GRIK2: variants seen among roughly 807,000 people sequenced by gnomAD.
The protein encoded by GRIK2 is glutamate ionotropic receptor kainate type subunit 2.
GRIK2 carries 32 observed loss-of-function variants against 100.3 expected under a neutral mutation model. That is an observed-to-expected ratio of 0.32 (90% CI 0.24 to 0.43). The LOEUF (loss-of-function observed/expected upper bound fraction) is 0.43, where lower values mean the gene tolerates loss of function less well. GRIK2 is among the 20% of genes least tolerant of loss of function. The pLI is 1.00. For synonymous variants in GRIK2, 417 were observed against 389.4 expected, an observed-to-expected ratio of 1.07 and a Z score of -0.83; for missense variants, 843 against 1,114.9, an observed-to-expected ratio of 0.76 and a Z score of 3.47.
chr6:101,470,268 G>C (rs2128255669), intron 2 of GRIK2, among the ~76,000 whole-genome samples: 1 of 152,272 alleles, frequency 6.6e-6, no homozygotes. Flanking sequence ...CCTTAATGGT[G>C]GATAGCTTTT....
chr6:101,592,615 A>ATATATATATATATATG (rs887154272), intron 2 of GRIK2, among the ~76,000 whole-genome samples: 56 of 127,794 alleles, frequency 4.4e-4, no homozygotes, highest in African/African-American at 1.8e-3. Context: ...ATATATATAT[A>ATATATATATATATATG]TATATATATT....
intron 12 of GRIK2, among the ~76,000 whole-genome samples, chr6:101,917,444 A>T (rs923145578): frequency 1.8e-4 from 27 of 151,724 alleles, no homozygotes; most frequent in African/African-American, 3.4e-4. Flanking sequence ...GGATGATTTT[A>T]AAAAAATCCA....
chr6:101,626,619 G>A lies in GRIK2; in HGVS notation c.523G>A (p.Val175Met). 3 of 1,613,826 alleles carry A rather than the reference G, an allele frequency of 1.9e-6. No homozygotes were observed. The highest frequency in any genetic ancestry group is 1.7e-6 in the Non-Finnish European group (2 of 1,179,788). Residue 175 changes from valine (V) to methionine (M), a missense_variant, in exon 4 of 17, where the codon GTG becomes ATG. This residue lies in a region of GRIK2 where 519 missense variants were observed against 643.8 expected (regional missense o/e 0.81). Transcript: ENST00000369134. ...QFFKWKTVTV[V>M]YDDSTGLIRL... The stretch of plus-strand genomic sequence containing the variant: ...TTTCAAGTGGAAAACCGTCACGGTT[G>A]TGTATGATGACAGCACTGGTAAGAA...
intron 15 of GRIK2, among the ~76,000 whole-genome samples, chr6:102,041,239 C>CCAAA (rs1370571763): frequency 4.0e-5 from 6 of 151,520 alleles, no homozygotes; most frequent in South Asian, 4.2e-4. Context: ...CAAATGGTAC[C>CCAAA]CAAACAATGT....
chr6:101,753,825 A>C (rs1044040849), intron 7 of GRIK2, among the ~76,000 whole-genome samples: 7 of 152,148 alleles, frequency 4.6e-5, no homozygotes, highest in Admixed American at 4.6e-4. Flanking sequence ...ATATTAAAAT[A>C]ATAGTACAAA....
At chr6:101,643,697 G>T (rs952527916) in intron 4 of GRIK2, among the ~76,000 whole-genome samples, 5 of 151,076 alleles carry the variant, frequency 3.3e-5, no homozygotes, top group Non-Finnish European at 5.9e-5. Flanking sequence ...AGATTGTTTT[G>T]GCTAGTCAGG....
At chr6:101,657,282 T>C (rs1367667936) in intron 4 of GRIK2, among the ~76,000 whole-genome samples, 1 of 152,176 alleles carries the variant, frequency 6.6e-6, no homozygotes, top group Non-Finnish European at 1.5e-5. Flanking sequence ...CTGATATTTT[T>C]ACAAGGGGCT....
chr6:101,591,339 T>C (rs1778630362), intron 2 of GRIK2, among the ~76,000 whole-genome samples: 2 of 151,848 alleles, frequency 1.3e-5, no homozygotes. Flanking sequence ...CTAGCTCAGG[T>C]CATGATTCTT....
At chr6:101,574,465 A>G (rs1562235989) in intron 2 of GRIK2, among the ~76,000 whole-genome samples, 1 of 150,818 alleles carries the variant, frequency 6.6e-6, no homozygotes, top group Non-Finnish European at 1.5e-5. Context: ...TAAGATTTTA[A>G]CCCTTTTTTT....
At chr6:101,882,163 T>A (rs1394457728) in intron 11 of GRIK2, among the ~76,000 whole-genome samples, 2 of 151,940 alleles carry the variant, frequency 1.3e-5, no homozygotes, top group Non-Finnish European at 2.9e-5. Context: ...TTCCACTGGG[T>A]CCCTCCCACA....
chr6:101,788,347 T>C (rs986454231), intron 7 of GRIK2, among the ~76,000 whole-genome samples: 2 of 152,064 alleles, frequency 1.3e-5, no homozygotes, highest in Non-Finnish European at 2.9e-5. Context: ...CTCCTAATGC[T>C]ATCCCTCCCC....
chr6:101,666,920 C>A (rs1446712592), intron 4 of GRIK2, among the ~76,000 whole-genome samples: 1 of 152,150 alleles, frequency 6.6e-6, no homozygotes, highest in African/African-American at 2.4e-5. Flanking sequence ...AAAGGGTTAA[C>A]ATGTGCCAAG....
At chr6:101,811,704 A>G (rs1170836225) in intron 9 of GRIK2, among the ~76,000 whole-genome samples, 1 of 151,960 alleles carries the variant, frequency 6.6e-6, no homozygotes, top group Non-Finnish European at 1.5e-5. Context: ...ATGCATCTTT[A>G]GAAGAAAAGA....
intron 14 of GRIK2, among the ~76,000 whole-genome samples, chr6:101,956,408 G>C (rs1011000593): frequency 6.6e-6 from 1 of 152,042 alleles, no homozygotes; most frequent in Non-Finnish European, 1.5e-5. Flanking sequence ...AAAGATTTCA[G>C]GGGTACAAGT....
At chr6:101,977,979 G>A (rs1414790719) in intron 14 of GRIK2, among the ~76,000 whole-genome samples, 1 of 151,928 alleles carries the variant, frequency 6.6e-6, no homozygotes, top group African/African-American at 2.4e-5. Context: ...CAATCCATAT[G>A]CTTACTTGTA....
intron 16 of GRIK2, among the ~76,000 whole-genome samples, chr6:102,064,673 A>G (rs1249651113): frequency 1.3e-5 from 2 of 151,202 alleles, no homozygotes; most frequent in East Asian, 3.9e-4. Context: ...AGTTAGACAC[A>G]GTAAATTTTG....
At chr6:102,059,185 G>A (rs1448550525) in intron 16 of GRIK2, among the ~76,000 whole-genome samples, 1 of 151,058 alleles carries the variant, frequency 6.6e-6, no homozygotes, top group African/African-American at 2.4e-5. Flanking sequence ...GGACCTTCAA[G>A]CATTTAAAAA....
intron 2 of GRIK2, 122 bp from the exon 3 acceptor site, chr6:101,621,827 A>G: frequency 1.5e-6 from 1 of 684,666 alleles, no homozygotes; most frequent in South Asian, 1.6e-5. Context: ...TCTCTCACAC[A>G]CACACACGCA....
chr6:101,671,444 T>G (rs1240751540), intron 4 of GRIK2, among the ~76,000 whole-genome samples: 4 of 152,156 alleles, frequency 2.6e-5, no homozygotes, highest in African/African-American at 9.7e-5. Flanking sequence ...TAAGTCTCTT[T>G]ACTATTTAGT....
Sources: allele counts gnomAD v4.1 joint callset (sites outside exome capture counted in the v4.1 genomes callset), GRCh38; gene constraint gnomAD v4.1.1; regional missense constraint gnomAD v4.1.1; transcripts MANE v1.5; gene names NCBI Gene and HGNC (gene_info 2026-07-23, HGNC 2026-07-21).